Variants in AKAP13 observed in about 807,000 individuals in gnomAD.
The protein encoded by AKAP13 is A-kinase anchor protein 13.
In AKAP13, 80 loss-of-function variants were observed where a neutral mutation model predicts 264.5. That is an observed-to-expected ratio of 0.30 (90% CI 0.25 to 0.36). The LOEUF (loss-of-function observed/expected upper bound fraction) is 0.36, where lower values mean the gene tolerates loss of function less well. Ranked by LOEUF, AKAP13 falls within the 10% of genes least tolerant of loss-of-function variation. The pLI is 1.00. For synonymous variants in AKAP13, 1,380 were observed against 1,250.2 expected (o/e 1.10, Z -2.19); for missense variants, 3,712 against 3,435.2 (o/e 1.08, Z -2.01).
chr15:85,725,875 T>C (rs961202658), intron 26 of AKAP13, among the ~76,000 whole-genome samples: 3 of 152,248 alleles, frequency 2.0e-5, no homozygotes. Context: ...GGCGCCTGCC[T>C]GTGTGGCCAC....
chr15:85,390,640 A>G (rs1157138135), intron 1 of AKAP13, among the ~76,000 whole-genome samples: 2 of 152,202 alleles, frequency 1.3e-5, no homozygotes, highest in Non-Finnish European at 2.9e-5. Context: ...CGGAGAGACT[A>G]GTTAAGAGAT....
intron 3 of AKAP13, among the ~76,000 whole-genome samples, chr15:85,529,591 T>C (rs1486720455): frequency 1.3e-5 from 2 of 152,166 alleles, no homozygotes; most frequent in Non-Finnish European, 2.9e-5. Context: ...TGTAACTTTT[T>C]AAAAAATGCT....
rs2086916472 is a variant in AKAP13 at position 85,716,045 on chromosome 15, G to T, written c.5735+122G>T. 5.5e-6 allele frequency: 7 copies of T among 1,283,050 alleles called. No homozygotes were observed. The East Asian group carries it at 2.0e-4, about 36-fold the overall frequency. The allele number at this position is 1,283,050 out of a possible 1,614,324, so 79.5% of individuals were successfully genotyped here. A position where few individuals can be genotyped will look rare whatever the true frequency, so the allele number is the denominator to read the frequency against. ...AAATAAATCTATAAGGTCATGGGTT[G>T]GTGCAGACAAGGACGATGGGGATTA... On this transcript the variant is annotated intron_variant, in intron 20 of 36. Coordinates refer to ENST00000394518, the MANE Select transcript of AKAP13 (RefSeq NM_007200.5).
At chr15:85,510,057 G>A (rs1331284095) in intron 2 of AKAP13, among the ~76,000 whole-genome samples, 1 of 152,192 alleles carries the variant, frequency 6.6e-6, no homozygotes, top group Non-Finnish European at 1.5e-5. Flanking sequence ...GGCAGTCAAG[G>A]GCCTCCTCTA....
chr15:85,444,786 G>T (rs909266371), intron 1 of AKAP13, among the ~76,000 whole-genome samples: 6 of 152,124 alleles, frequency 3.9e-5, no homozygotes, highest in African/African-American at 1.2e-4. Flanking sequence ...TTTGTTCTTT[G>T]TGTCCTTAAG....
chr15:85,443,314 A>G (rs1185252593), intron 1 of AKAP13, among the ~76,000 whole-genome samples: 1 of 152,182 alleles, frequency 6.6e-6, no homozygotes, highest in Admixed American at 6.5e-5. Context: ...GAATAAAAAG[A>G]TAAAGTGAGA....
intron 2 of AKAP13, among the ~76,000 whole-genome samples, chr15:85,517,258 C>T (rs961541001): frequency 6.6e-6 from 1 of 152,168 alleles, no homozygotes; most frequent in Non-Finnish European, 1.5e-5. Flanking sequence ...TATCTACTAC[C>T]TTCCCTGTTC....
At chr15:85,654,793 C>G (rs1310070163) in intron 10 of AKAP13, among the ~76,000 whole-genome samples, 1 of 151,802 alleles carries the variant, frequency 6.6e-6, no homozygotes, top group Non-Finnish European at 1.5e-5. Context: ...CACTGCACCC[C>G]AGCCTGGGTG....
intron 9 of AKAP13, among the ~76,000 whole-genome samples, chr15:85,639,737 A>C (rs535613518): frequency 2.7e-4 from 41 of 152,342 alleles, no homozygotes; most frequent in African/African-American, 9.1e-4. Flanking sequence ...ATCTGGTAAA[A>C]GTATAAATAT....
chr15:85,580,619 T>A lies in AKAP13; in HGVS notation c.2551T>A (p.Ser851Thr), dbSNP rs767179633. The A allele has an allele frequency of 6.2e-7, 1 of 1,614,056 alleles. No individual in the cohort carries two copies. Among genetic ancestry groups the A allele is most frequent in the East Asian group, 2.2e-5 (1 of 44,896 alleles). The stretch of plus-strand genomic sequence containing the variant: ...CAGGGCAGTAGGCCTGTCCACATCC[T>A]CCACTGCTGCAGAGCTTCAGCACGG... ...EDRAVGLSTS[S>T]TAAELQHGMG... The change falls in exon 7 of 37, where the codon TCC becomes ACC. Residue 851 changes from serine (S) to threonine (T), a missense_variant. Transcript: ENST00000394518.
At chr15:85,504,970 C>G (rs999722728) in intron 2 of AKAP13, among the ~76,000 whole-genome samples, 5 of 152,006 alleles carry the variant, frequency 3.3e-5, no homozygotes, top group Non-Finnish European at 5.9e-5. Flanking sequence ...TGCTCTCACT[C>G]TCTGTGTGTG....
At chr15:85,663,375 C>T (rs533091359) in intron 12 of AKAP13, among the ~76,000 whole-genome samples, 1 of 151,396 alleles carries the variant, frequency 6.6e-6, no homozygotes, top group East Asian at 1.9e-4. Flanking sequence ...TGTAGTTAGT[C>T]ATGATTTCTA....
In AKAP13 at chr15:85,579,547, T is replaced by C. The variant is rs1485600609; in HGVS notation, c.1479T>C (p.Val493=). 1 of 1,614,168 alleles carries C rather than the reference T, an allele frequency of 6.2e-7. No individual in the cohort carries two copies. The highest frequency in any genetic ancestry group is 1.1e-5 in the South Asian group (1 of 91,080). ...EHGLMNPDAT[V]WKNVLQGGES... Reference sequence around the variant, plus strand: ...GGCTCATGAACCCAGATGCCACTGTTTGGAAGAATGTGCTTCAGGGAGGGG... The same window carrying C: ...GGCTCATGAACCCAGATGCCACTGTCTGGAAGAATGTGCTTCAGGGAGGGG... Residue 493 remains valine, a synonymous_variant, in exon 7 of 37, where the codon GTT becomes GTC. Transcript: ENST00000394518.
intron 8 of AKAP13, among the ~76,000 whole-genome samples, chr15:85,589,700 A>G (rs1596623936): frequency 1.6e-5 from 2 of 122,348 alleles, no homozygotes; most frequent in Admixed American, 9.0e-5. Context: ...ACAGAGTAAC[A>G]CTCTGTCTTG....
chr15:85,682,731 G>A (rs971805403), intron 15 of AKAP13, among the ~76,000 whole-genome samples: 1 of 151,884 alleles, frequency 6.6e-6, no homozygotes, highest in East Asian at 1.9e-4. Flanking sequence ...GCAATGGCGC[G>A]ATCTTGGCTC....
chr15:85,729,196 G>A (rs1262343578), intron 29 of AKAP13, among the ~76,000 whole-genome samples: 1 of 150,802 alleles, frequency 6.6e-6, no homozygotes, highest in East Asian at 1.9e-4. Flanking sequence ...CTACTTAGGA[G>A]GCTGAGGCAG....
At chr15:85,578,603 C>T (rs373756461) in intron 6 of AKAP13, among the ~76,000 whole-genome samples, 2 of 152,156 alleles carry the variant, frequency 1.3e-5, no homozygotes, top group African/African-American at 4.8e-5. Context: ...CTCAGCCTCC[C>T]AAAGTGCTGG....
intron 14 of AKAP13, chr15:85,677,053 T>A (rs1377095724): frequency 1.0e-6 from 1 of 985,322 alleles, no homozygotes; most frequent in Non-Finnish European, 1.2e-6. Context: ...AACTCTCTTT[T>A]CTCTTGGCTC....
At chr15:85,463,110 G>T (rs1354492734) in intron 1 of AKAP13, among the ~76,000 whole-genome samples, 1 of 151,394 alleles carries the variant, frequency 6.6e-6, no homozygotes, top group Non-Finnish European at 1.5e-5. Flanking sequence ...TCATCGCACT[G>T]TAGTTCAGTA....
Sources: allele counts gnomAD v4.1 joint callset (sites outside exome capture counted in the v4.1 genomes callset), GRCh38; gene constraint gnomAD v4.1.1; transcripts MANE v1.5; gene names NCBI Gene and HGNC (gene_info 2026-07-23, HGNC 2026-07-21).